The following ADAM23 variants were observed in gnomAD, a reference collection of about 807,000 sequenced individuals.
The protein encoded by ADAM23 is ADAM metallopeptidase domain 23.
A neutral mutation model predicts 120.1 loss-of-function variants in ADAM23; 33 were observed. The ratio of observed to expected loss-of-function variants is 0.27; its 90% confidence interval spans 0.21 to 0.37. The LOEUF (loss-of-function observed/expected upper bound fraction) is 0.37, where lower values mean the gene tolerates loss of function less well. Ranked by LOEUF, ADAM23 falls within the 10% of genes least tolerant of loss-of-function variation. The pLI is 1.00. For missense variants in ADAM23, 862 were observed against 1,058.2 expected (o/e 0.81, Z 2.57); for synonymous variants, 367 against 375.2 (o/e 0.98, Z 0.25).
chr2:206,550,434 A>C (rs956965923), intron 9 of ADAM23, among the ~76,000 whole-genome samples: 17 of 151,920 alleles, frequency 1.1e-4, no homozygotes, highest in African/African-American at 4.1e-4. Context: ...ACTTTTCTTC[A>C]TCTATGTATT....
intron 8 of ADAM23, among the ~76,000 whole-genome samples, chr2:206,549,198 A>G (rs1006356858): frequency 1.3e-5 from 2 of 151,800 alleles, no homozygotes; most frequent in African/African-American, 4.8e-5. Context: ...CCAGCCATCA[A>G]AAACTTAGTT....
chr2:206,526,450 A>G (rs955098481), intron 3 of ADAM23, among the ~76,000 whole-genome samples: 3 of 152,190 alleles, frequency 2.0e-5, no homozygotes, highest in African/African-American at 7.2e-5. Flanking sequence ...ATATAGTGCA[A>G]GTTGAGTAGC....
At chr2:206,572,378 G>A (rs1698019959) in intron 17 of ADAM23, among the ~76,000 whole-genome samples, 1 of 152,072 alleles carries the variant, frequency 6.6e-6, no homozygotes, top group Non-Finnish European at 1.5e-5. Context: ...AGTTATTTTT[G>A]AAAACTCATT....
chr2:206,573,330 A>G (rs143354857), intron 18 of ADAM23, 135 bp downstream of exon 18: 7 of 820,608 alleles, frequency 8.5e-6, no homozygotes, highest in African/African-American at 6.8e-5. Context: ...TCATAATGAG[A>G]TATCTTGGGG....
At chr2:206,487,501 CACTTGGT>C (rs1696039354) in intron 3 of ADAM23, among the ~76,000 whole-genome samples, 1 of 152,196 alleles carries the variant, frequency 6.6e-6, no homozygotes, top group African/African-American at 2.4e-5. Flanking sequence ...GCTCGCGAGA[CACTTGGT>C]ACTTGTCCAG....
intron 24 of ADAM23, among the ~76,000 whole-genome samples, chr2:206,603,170 TA>T (rs1173670502): frequency 2.6e-5 from 4 of 151,644 alleles, no homozygotes; most frequent in Non-Finnish European, 5.9e-5. Flanking sequence ...ACAGAATAGA[TA>T]AATTAGTGTA....
At chr2:206,597,001 A>G (rs1156259867) in intron 24 of ADAM23, among the ~76,000 whole-genome samples, 1 of 145,880 alleles carries the variant, frequency 6.9e-6, no homozygotes, top group Non-Finnish European at 1.5e-5. Flanking sequence ...TCAAACTGCA[A>G]GGCCCAAGAA....
At position 206,512,516 on chromosome 2, in the gene ADAM23, T is replaced by G. The variant is rs75018718; in HGVS notation, c.510-18369T>G. 2.9e-3 allele frequency among the ~76,000 whole-genome samples: 449 copies of G among 152,318 alleles called. 2 individuals carry two copies. Among genetic ancestry groups the G allele is most frequent in the African/African-American group, 0.01 (430 of 41,576 alleles). On this transcript the variant is annotated intron_variant, in intron 3 of 25. Transcript: ENST00000264377. Reference sequence around the variant, plus strand: ...AACTTTTGTATAAAAATAGAACAATTTATAATACTGATCTGACCCTCTGAG... The same window carrying G: ...AACTTTTGTATAAAAATAGAACAATGTATAATACTGATCTGACCCTCTGAG...
At position 206,560,095 on chromosome 2, in the gene ADAM23, T is replaced by A; in HGVS notation, c.1146T>A (p.His382Gln). Residue 382 changes from histidine to glutamine, a missense_variant, in exon 11 of 26, where the codon CAT (histidine) becomes CAA (glutamine). His to Gln is a conservative substitution (Grantham distance 24, BLOSUM62 0). Coordinates refer to ENST00000264377, the MANE Select transcript of ADAM23 (RefSeq NM_003812.4). The part of the protein sequence containing the change: ...FSKYRQRIKQ[H>Q]ADAVHLISRV... ...AATACCGGCAGCGCATTAAGCAGCA[T>A]GCTGATGCTGTGCACCTCATCTCGT... is the stretch of plus-strand genomic sequence containing the variant. 1 of 1,614,074 alleles carries A rather than the reference T, an allele frequency of 6.2e-7. No individual in the cohort carries two copies. The highest frequency in any genetic ancestry group is 8.5e-7 in the Non-Finnish European group (1 of 1,179,924).
intron 18 of ADAM23, among the ~76,000 whole-genome samples, chr2:206,577,301 G>T (rs1574544564): frequency 7.0e-6 from 1 of 142,744 alleles, no homozygotes; most frequent in Non-Finnish European, 1.5e-5. Context: ...TAGGGTACAT[G>T]TGCACATTGT....
intron 8 of ADAM23, among the ~76,000 whole-genome samples, chr2:206,548,853 G>A (rs1697454131): frequency 1.3e-5 from 2 of 152,082 alleles, no homozygotes; most frequent in Non-Finnish European, 2.9e-5. Context: ...AGAACACAAT[G>A]AATTTATTTG....
chr2:206,511,799 C>T (rs1315114450), intron 3 of ADAM23, among the ~76,000 whole-genome samples: 2 of 152,058 alleles, frequency 1.3e-5, no homozygotes, highest in Non-Finnish European at 2.9e-5. Context: ...TTTTTTATTC[C>T]TCTTTTTTTA....
intron 3 of ADAM23, among the ~76,000 whole-genome samples, chr2:206,506,554 C>T (rs1049095598): frequency 1.3e-5 from 2 of 152,212 alleles, no homozygotes. Flanking sequence ...TGGACCTTAA[C>T]GTTCCTAGGT....
chr2:206,450,671 A>G (rs1233953012), intron 2 of ADAM23, among the ~76,000 whole-genome samples: 4 of 152,220 alleles, frequency 2.6e-5, no homozygotes, highest in Admixed American at 6.5e-5. Context: ...TGTATCAACA[A>G]TTCTTAGATA....
Position 206,606,002 on chromosome 2 carries a change from T to G in ADAM23, c.2360-3908T>G, listed in dbSNP as rs1445323105. On this transcript the variant is annotated intron_variant, in intron 24 of 25. Transcript: ENST00000264377. ...TTTCCTGTGGTAGTGCACCTTGTGG[T>G]GTGACTTGGATGTTGCTTGTGTCCT... 3 of 567,764 alleles carry G rather than the reference T, an allele frequency of 5.3e-6. No homozygotes were observed. The African/African-American group carries it at 5.8e-5, about 11-fold the overall frequency. 35.2% of individuals were successfully genotyped at this position (567,764 alleles called of 1,614,324 possible). A position where few individuals can be genotyped will look rare whatever the true frequency, so the allele number is the denominator to read the frequency against.
intron 18 of ADAM23, among the ~76,000 whole-genome samples, chr2:206,578,747 G>C (rs1698167501): frequency 6.6e-6 from 1 of 151,958 alleles, no homozygotes; most frequent in Admixed American, 6.6e-5. Flanking sequence ...CTTTTCCTCG[G>C]GGTAGATACC....
chr2:206,556,032 A>G (rs1697636827), intron 9 of ADAM23, among the ~76,000 whole-genome samples: 1 of 152,130 alleles, frequency 6.6e-6, no homozygotes, highest in African/African-American at 2.4e-5. Context: ...GATTAATAGG[A>G]TGTTTTATGA....
chr2:206,588,300 A>G, intron 20 of ADAM23, 146 bp downstream of exon 20: 2 of 885,104 alleles, frequency 2.3e-6, no homozygotes, highest in Non-Finnish European at 3.4e-6. Flanking sequence ...AGAACTGTGA[A>G]TCTTAGTCAC....
intron 2 of ADAM23, among the ~76,000 whole-genome samples, chr2:206,463,068 AT>A (rs1695458856): frequency 6.6e-6 from 1 of 152,158 alleles, no homozygotes; most frequent in African/African-American, 2.4e-5. Context: ...TTTGGGATAC[AT>A]TTTGGATTAT....
Sources: gnomAD v4.1 joint callset for allele counts (sites outside exome capture counted in the v4.1 genomes callset) on GRCh38, gnomAD v4.1.1 for gene constraint, MANE v1.5 for transcripts, NCBI Gene and HGNC (gene_info 2026-07-23, HGNC 2026-07-21) for gene names.